Variants in ZNF618 observed in about 807,000 individuals in gnomAD.
ZNF618 encodes the protein neural precursor cell expressed, developmentally down-regulated 10.
A neutral mutation model predicts 103.0 loss-of-function variants in ZNF618; 34 were observed. The ratio of observed to expected loss-of-function variants is 0.33; its 90% CI spans 0.25 to 0.44. The LOEUF (loss-of-function observed/expected upper bound fraction) is 0.44, where lower values mean the gene tolerates loss of function less well. Ranked by LOEUF, ZNF618 falls within the 20% of genes least tolerant of loss-of-function variation. The pLI, the probability that ZNF618 is intolerant of heterozygous loss-of-function variation, is 1.00. For missense variants in ZNF618, 1,059 were observed against 1,295.4 expected, an observed-to-expected ratio of 0.82 and a Z score of 2.80; for synonymous variants, 551 against 542.2, an observed-to-expected ratio of 1.02 and a Z score of -0.23.
chr9:114,048,623 T>C, intron 14 of ZNF618, 28 bp from the exon 15 acceptor site: 1 of 1,585,710 alleles, frequency 6.3e-7, no homozygotes, highest in Non-Finnish European at 8.6e-7. Context: ...CCAGAATTAA[T>C]CCCATCTGTC....
intron 2 of ZNF618, among the ~76,000 whole-genome samples, chr9:113,981,823 G>A (rs768337025): frequency 4.6e-5 from 7 of 152,212 alleles, no homozygotes; most frequent in Non-Finnish European, 1.0e-4. Context: ...CTTCACCTGT[G>A]TGCACTGAGT....
intron 6 of ZNF618, 129 bp from the exon 7 acceptor site, chr9:114,007,221 C>A: frequency 1.4e-6 from 1 of 722,664 alleles, no homozygotes; most frequent in Non-Finnish European, 2.3e-6. Context: ...AAATGAGAGA[C>A]TGCTTCCTCC....
intron 2 of ZNF618, among the ~76,000 whole-genome samples, chr9:113,977,505 A>G (rs1482603609): frequency 6.6e-6 from 1 of 152,124 alleles, no homozygotes; most frequent in Non-Finnish European, 1.5e-5. Flanking sequence ...TCATGTGTGC[A>G]GGATGGTCTT....
In ZNF618 at chr9:113,966,579, C is replaced by T. The variant is rs116077978; in HGVS notation, c.34-2538C>T. 3.7e-3 allele frequency among the ~76,000 whole-genome samples: 556 copies of T among 152,312 alleles called. 6 individuals carry two copies. The highest frequency in any genetic ancestry group is 0.013 in the African/African-American group (537 of 41,558). On this transcript the variant is annotated intron_variant, in intron 1 of 14. Coordinates refer to ENST00000374126, the MANE Select transcript of ZNF618 (RefSeq NM_001318042.2). The stretch of plus-strand genomic sequence containing the variant: ...CCGGCCTGGCGTGTATGGAACTCCA[C>T]CCTGGGAGTTGGTGTTCCCAACACA...
intron 1 of ZNF618, among the ~76,000 whole-genome samples, chr9:113,949,811 T>G (rs1588127288): frequency 6.6e-6 from 1 of 152,312 alleles, no homozygotes; most frequent in Middle Eastern, 3.4e-3. Flanking sequence ...CGTTTCCTGA[T>G]TAATTAGGTC....
At chr9:113,963,723 C>A (rs926244517) in intron 1 of ZNF618, among the ~76,000 whole-genome samples, 3 of 152,216 alleles carry the variant, frequency 2.0e-5, no homozygotes, top group Non-Finnish European at 4.4e-5. Context: ...ACCTCATTGT[C>A]AGTATTTTTT....
chr9:114,014,676 C>T (rs997492266), intron 9 of ZNF618, among the ~76,000 whole-genome samples: 11 of 152,268 alleles, frequency 7.2e-5, no homozygotes, highest in African/African-American at 1.7e-4. Context: ...ACTAATAAAA[C>T]GGAATAATTA....
intron 1 of ZNF618, among the ~76,000 whole-genome samples, chr9:113,907,911 G>C (rs1277145343): frequency 6.6e-6 from 1 of 152,200 alleles, no homozygotes; most frequent in African/African-American, 2.4e-5. Context: ...AATCATGGGG[G>C]TGTCACTGTG....
chr9:113,953,641 T>G (rs1031006625), intron 1 of ZNF618, among the ~76,000 whole-genome samples: 6 of 152,172 alleles, frequency 3.9e-5, no homozygotes, highest in Non-Finnish European at 8.8e-5. Context: ...AAGAATTAAA[T>G]GAAGTAATGG....
In ZNF618 at chr9:113,969,229, C is replaced by T. The variant is rs201219704; in HGVS notation, c.77+69C>T. 2.9e-5 allele frequency: 45 copies of T among 1,575,974 alleles called. No individual in the cohort carries two copies. In the East Asian group the frequency reaches 9.9e-4, roughly 35 times the overall value. ...AGGTCTTCATGACTAACAGTTACCA[C>T]TCTCTGGTCCTCATCTTCCCCCTGG... is the stretch of plus-strand genomic sequence containing the variant. On this transcript the variant is annotated intron_variant, in intron 2 of 14. Transcript: ENST00000374126.
At chr9:114,007,860 C>T (rs1841891877) in intron 7 of ZNF618, among the ~76,000 whole-genome samples, 3 of 152,150 alleles carry the variant, frequency 2.0e-5, no homozygotes, top group Non-Finnish European at 1.5e-5. Flanking sequence ...TCTCAAAAAT[C>T]CTAGAAAGAG....
intron 10 of ZNF618, among the ~76,000 whole-genome samples, chr9:114,020,496 G>C (rs376488575): frequency 6.6e-6 from 1 of 152,194 alleles, no homozygotes; most frequent in African/African-American, 2.4e-5. Flanking sequence ...TCTCTCAGGA[G>C]CAGTTTGTAC....
intron 1 of ZNF618, among the ~76,000 whole-genome samples, chr9:113,908,817 C>G (rs1010026123): frequency 2.0e-5 from 3 of 152,020 alleles, no homozygotes; most frequent in Admixed American, 1.3e-4. Flanking sequence ...ATTCATACCC[C>G]AGCCACCCTC....
intron 2 of ZNF618, among the ~76,000 whole-genome samples, chr9:113,980,566 T>G (rs967842198): frequency 1.3e-5 from 2 of 151,866 alleles, no homozygotes; most frequent in African/African-American, 4.8e-5. Flanking sequence ...AAATGAAAAT[T>G]AAAAAAGATA....
chr9:114,013,972 A>G (rs372332826), intron 9 of ZNF618, among the ~76,000 whole-genome samples: 14 of 152,324 alleles, frequency 9.2e-5, no homozygotes, highest in South Asian at 4.1e-4. Flanking sequence ...ACACTGGTTT[A>G]AACTATCTTT....
chr9:114,011,384 C>T (rs1245879917), intron 9 of ZNF618, among the ~76,000 whole-genome samples: 1 of 152,214 alleles, frequency 6.6e-6, no homozygotes, highest in Non-Finnish European at 1.5e-5. Flanking sequence ...TGACAGACAG[C>T]CAACGCCAGG....
chr9:113,892,864 G>C (rs1039397980), intron 1 of ZNF618, among the ~76,000 whole-genome samples: 10 of 152,292 alleles, frequency 6.6e-5, no homozygotes, highest in African/African-American at 2.4e-4. Flanking sequence ...TTTCCTGCCT[G>C]ATTTGAAATG....
intron 1 of ZNF618, among the ~76,000 whole-genome samples, chr9:113,889,437 A>T (rs1013211131): frequency 1.3e-5 from 2 of 152,020 alleles, no homozygotes; most frequent in African/African-American, 4.8e-5. Flanking sequence ...GGCTGCAAAG[A>T]TGCATGTGCC....
At chr9:114,017,650 C>T (rs1842758644) in intron 10 of ZNF618, among the ~76,000 whole-genome samples, 1 of 152,114 alleles carries the variant, frequency 6.6e-6, no homozygotes, top group African/African-American at 2.4e-5. Context: ...GGAAGTGTTG[C>T]TGGTTTTGTT....
Sources: allele counts gnomAD v4.1 joint callset (sites outside exome capture counted in the v4.1 genomes callset), GRCh38; gene constraint gnomAD v4.1.1; transcripts MANE v1.5; gene names NCBI Gene and HGNC (gene_info 2026-07-23, HGNC 2026-07-21).